SH3RF3: variants seen among roughly 807,000 people sequenced by gnomAD.
SH3RF3 encodes SH3 domain containing ring finger 3, also known as E3 ubiquitin-protein ligase SH3RF3.
Under a neutral mutation model 66.3 loss-of-function variants are expected in SH3RF3, and 29 were observed. That is an observed-to-expected ratio of 0.44 (90% CI 0.33 to 0.60). SH3RF3 has a LOEUF of 0.60. SH3RF3 is among the 20% of genes least tolerant of loss of function. The pLI is 0.04. For missense variants in SH3RF3, 1,194 were observed against 1,190.9 expected (o/e 1.00, Z -0.04); for synonymous variants, 583 against 532.0 (o/e 1.10, Z -1.32).
At chr2:109,462,784 G>A (rs1424816926) in intron 8 of SH3RF3, among the ~76,000 whole-genome samples, 1 of 152,074 alleles carries the variant, frequency 6.6e-6, no homozygotes, top group Non-Finnish European at 1.5e-5. Flanking sequence ...ATGGGTTCAG[G>A]GCCATACTTG....
chr2:109,130,218 C>T (rs985425799), intron 1 of SH3RF3, 105 bp downstream of exon 1: 9 of 1,082,428 alleles, frequency 8.3e-6, no homozygotes, highest in Admixed American at 4.3e-5. Flanking sequence ...CACGGGTGGT[C>T]CTGCGTTGGC....
chr2:109,241,842 T>C (rs1679792347), intron 1 of SH3RF3, among the ~76,000 whole-genome samples: 1 of 151,834 alleles, frequency 6.6e-6, no homozygotes, highest in South Asian at 2.1e-4. Flanking sequence ...CTCGGCTCAC[T>C]GCAAGCTCCG....
At chr2:109,242,417 GC>G (rs990833433) in intron 1 of SH3RF3, among the ~76,000 whole-genome samples, 4 of 152,168 alleles carry the variant, frequency 2.6e-5, no homozygotes, top group Non-Finnish European at 4.4e-5. Flanking sequence ...CCATAGAGCA[GC>G]CCGTGCCTAG....
intron 1 of SH3RF3, among the ~76,000 whole-genome samples, chr2:109,320,925 C>G (rs932645623): frequency 2.0e-5 from 3 of 152,178 alleles, no homozygotes; most frequent in Non-Finnish European, 4.4e-5. Context: ...AACACTTCAT[C>G]TGTAAAGTGA....
rs1051126174 is a variant in SH3RF3, at chr2:109,428,750, G to A, written c.1404-3751G>A. Among the ~76,000 whole-genome samples the A allele has an allele frequency of 7.2e-5, 11 of 152,330 alleles. 1 individual carries two copies. Among genetic ancestry groups the A allele is most frequent in the African/African-American group, 2.6e-4 (11 of 41,572 alleles). On this transcript the variant is annotated intron_variant, in intron 5 of 9. Transcript: ENST00000309415. The stretch of plus-strand genomic sequence containing the variant: ...CGCAGAGGTGATGTCTGAGCATGCA[G>A]GGTGGCCTTGGCTGGTCTCGAGTGT...
Position 109,129,598 on chromosome 2 carries a change from A to G in SH3RF3, c.58A>G (p.Ser20Gly). Residue 20 changes from serine (S) to glycine (G), a missense_variant, in exon 1 of 10, where the codon AGC becomes GGC. Physicochemically the swap from Ser to Gly is moderately conservative, Grantham distance 56. Transcript: ENST00000309415. ...CAAGGCGGCCGCCGCTGCTGCGCAG[A>G]GCGAGGGCGACGAGGACAGGCCAGG... ...ASKAAAAAAQ[S>G]EGDEDRPGER... 1 of 1,482,588 alleles carries G rather than the reference A, an allele frequency of 6.7e-7. No homozygotes were observed. Among genetic ancestry groups the G allele is most frequent in the Non-Finnish European group, 8.9e-7 (1 of 1,125,538 alleles). The allele number at this position is 1,482,588 out of a possible 1,614,324, so 91.8% of individuals were successfully genotyped here. A position where few individuals can be genotyped will look rare whatever the true frequency, so the allele number is the denominator to read the frequency against.
chr2:109,463,097 A>T (rs1453924788), intron 8 of SH3RF3, among the ~76,000 whole-genome samples: 1 of 152,172 alleles, frequency 6.6e-6, no homozygotes, highest in Non-Finnish European at 1.5e-5. Flanking sequence ...CTGAGTCTGT[A>T]AAGTAGCTCA....
chr2:109,270,600 G>C (rs542918310), intron 1 of SH3RF3, among the ~76,000 whole-genome samples: 2 of 152,288 alleles, frequency 1.3e-5, no homozygotes, highest in African/African-American at 4.8e-5. Flanking sequence ...TTCATCCCAG[G>C]AGGCCACGGG....
At chr2:109,133,997 G>A (rs1676759587) in intron 1 of SH3RF3, among the ~76,000 whole-genome samples, 2 of 152,058 alleles carry the variant, frequency 1.3e-5, no homozygotes, top group African/African-American at 4.8e-5. Context: ...CAGGATAGAG[G>A]GTGTCTATGG....
chr2:109,356,421 A>C (rs913093249), intron 2 of SH3RF3, among the ~76,000 whole-genome samples: 2 of 152,198 alleles, frequency 1.3e-5, no homozygotes, highest in Middle Eastern at 3.2e-3. Flanking sequence ...GGCAGGGTCC[A>C]CTGCTCATTC....
chr2:109,129,428 G>C lies in SH3RF3; in HGVS notation c.-113G>C. 1 of 1,481,692 alleles carries C rather than the reference G, an allele frequency of 6.7e-7. No homozygotes were observed. The highest frequency in any genetic ancestry group is 1.2e-5 in the South Asian group (1 of 80,332). 91.8% of individuals were successfully genotyped at this position (1,481,692 alleles called of 1,614,324 possible). A position where few individuals can be genotyped will look rare whatever the true frequency, so the allele number is the denominator to read the frequency against. On this transcript the variant is annotated 5_prime_UTR_variant, in exon 1 of 10. Transcript: ENST00000309415. ...GCATCGGGCCACCAGCCGGGGTGAA[G>C]AAAGTCACGGCGGAGCCCGGCTCCC...
At chr2:109,472,458 G>A (rs1308576507) in intron 8 of SH3RF3, among the ~76,000 whole-genome samples, 12 of 152,180 alleles carry the variant, frequency 7.9e-5, no homozygotes, top group East Asian at 3.9e-4. Flanking sequence ...GGGGCTTCCC[G>A]TCAGGGCTTG....
chr2:109,396,651 T>C (rs1029297497), intron 3 of SH3RF3, among the ~76,000 whole-genome samples: 2 of 152,240 alleles, frequency 1.3e-5, no homozygotes, highest in Non-Finnish European at 1.5e-5. Flanking sequence ...CCTTCACTGA[T>C]TGACAGCATT....
intron 1 of SH3RF3, among the ~76,000 whole-genome samples, chr2:109,347,100 A>G (rs562249431): frequency 1.6e-4 from 25 of 152,126 alleles, no homozygotes; most frequent in Non-Finnish European, 3.1e-4. Context: ...CTCAGCTTCA[A>G]CCCCTGGAGC....
intron 1 of SH3RF3, among the ~76,000 whole-genome samples, chr2:109,287,936 T>C (rs1270233350): frequency 6.6e-6 from 1 of 152,262 alleles, no homozygotes; most frequent in Non-Finnish European, 1.5e-5. Context: ...AGGACCTGCC[T>C]GTTCAAATAA....
At chr2:109,440,254 G>A (rs1417835945) in intron 7 of SH3RF3, among the ~76,000 whole-genome samples, 1 of 152,218 alleles carries the variant, frequency 6.6e-6, no homozygotes, top group African/African-American at 2.4e-5. Flanking sequence ...TCAGCATGCA[G>A]CAGTAGGAGA....
intron 1 of SH3RF3, among the ~76,000 whole-genome samples, chr2:109,163,390 C>CAT (rs1433838302): frequency 1.4e-5 from 1 of 70,268 alleles, no homozygotes; most frequent in Admixed American, 2.3e-4. Flanking sequence ...AGCAAATATT[C>CAT]TTTTTTTTTT....
At chr2:109,445,643 TATATG>T (rs1278192842) in intron 7 of SH3RF3, among the ~76,000 whole-genome samples, 2 of 151,782 alleles carry the variant, frequency 1.3e-5, no homozygotes, top group African/African-American at 4.8e-5. Flanking sequence ...AGAGGCTAAA[TATATG>T]AGAGAAGGGA....
chr2:109,212,818 C>G (rs1012213071), intron 1 of SH3RF3, among the ~76,000 whole-genome samples: 1 of 152,178 alleles, frequency 6.6e-6, no homozygotes, highest in Non-Finnish European at 1.5e-5. Context: ...GTTAGACCTC[C>G]TGGTGAGCTG....
Sources: gnomAD v4.1 joint callset for allele counts (sites outside exome capture counted in the v4.1 genomes callset) on GRCh38, gnomAD v4.1.1 for gene constraint, MANE v1.5 for transcripts, NCBI Gene and HGNC (gene_info 2026-07-23, HGNC 2026-07-21) for gene names.